Variants in EGFLAM observed in about 807,000 individuals in gnomAD.
EGFLAM encodes the protein EGF like, fibronectin type III and laminin G domains.
In EGFLAM, 79 loss-of-function variants were observed where a neutral mutation model predicts 113.1. The ratio of observed to expected loss-of-function variants is 0.70; its 90% CI spans 0.58 to 0.84. The LOEUF (loss-of-function observed/expected upper bound fraction) is 0.84, where lower values mean the gene tolerates loss of function less well. EGFLAM is among the 40% of genes least tolerant of loss of function. The pLI is 0.00. For synonymous variants in EGFLAM, 504 were observed against 487.6 expected, an observed-to-expected ratio of 1.03 and a Z score of -0.44; for missense variants, 1,265 against 1,291.6, an observed-to-expected ratio of 0.98 and a Z score of 0.32.
At chr5:38,268,087 G>A (rs964091326) in intron 1 of EGFLAM, among the ~76,000 whole-genome samples, 6 of 152,054 alleles carry the variant, frequency 3.9e-5, no homozygotes. Context: ...GCCCCACCCG[G>A]CAAGATGGTT....
chr5:38,303,326 T>C (rs1403672599), intron 1 of EGFLAM, among the ~76,000 whole-genome samples: 2 of 152,164 alleles, frequency 1.3e-5, no homozygotes, highest in Non-Finnish European at 2.9e-5. Flanking sequence ...ATGAAGACAA[T>C]GGTAATTACA....
intron 19 of EGFLAM, among the ~76,000 whole-genome samples, chr5:38,455,632 A>G (rs895152918): frequency 6.6e-6 from 1 of 152,086 alleles, no homozygotes; most frequent in Non-Finnish European, 1.5e-5. Flanking sequence ...ACGTCAGAGG[A>G]AGCGGGAGGT....
At chr5:38,266,874 C>T (rs568025631) in intron 1 of EGFLAM, among the ~76,000 whole-genome samples, 27 of 152,174 alleles carry the variant, frequency 1.8e-4, no homozygotes, top group Non-Finnish European at 3.5e-4. Flanking sequence ...GTTTTGCTCA[C>T]TGATAAGTTG....
Position 38,386,538 on chromosome 5 carries a change from C to T in EGFLAM, c.712+16076C>T, listed in dbSNP as rs1039338865. Reference sequence around the variant, plus strand: ...ATTTTTATTTTTTAAGAAGGAGTCTCGCTCTGTTGCCAGGCTGGAGTGCAG... The same window carrying T: ...ATTTTTATTTTTTAAGAAGGAGTCTTGCTCTGTTGCCAGGCTGGAGTGCAG... On this transcript the variant is annotated intron_variant, in intron 6 of 21. Coordinates refer to ENST00000322350, the MANE Select transcript of EGFLAM (RefSeq NM_152403.4). Among the ~76,000 whole-genome samples the T allele has an allele frequency of 1.1e-4, 16 of 149,614 alleles. No homozygotes were observed. In the East Asian group the frequency reaches 2.6e-3, roughly 24 times the overall value.
intron 6 of EGFLAM, among the ~76,000 whole-genome samples, chr5:38,385,076 A>AC (rs1163192368): frequency 6.6e-6 from 1 of 152,154 alleles, no homozygotes; most frequent in East Asian, 1.9e-4. Context: ...AATCAAAGTT[A>AC]AAAACCTAAC....
intron 1 of EGFLAM, among the ~76,000 whole-genome samples, chr5:38,304,145 A>T (rs1758667259): frequency 6.6e-6 from 1 of 151,780 alleles, no homozygotes; most frequent in Non-Finnish European, 1.5e-5. Flanking sequence ...AAAAAAAGAA[A>T]GAAAGAAAAC....
intron 11 of EGFLAM, among the ~76,000 whole-genome samples, chr5:38,414,819 C>G (rs1191369950): frequency 6.6e-6 from 1 of 152,066 alleles, no homozygotes; most frequent in African/African-American, 2.4e-5. Flanking sequence ...CATGGACCCC[C>G]CCTCAAGGCC....
chr5:38,313,056 C>A (rs1000572167), intron 1 of EGFLAM, among the ~76,000 whole-genome samples: 1 of 151,930 alleles, frequency 6.6e-6, no homozygotes, highest in Admixed American at 6.6e-5. Flanking sequence ...CCACTGTATG[C>A]CAGCCTGGGT....
At chr5:38,403,779 G>T in intron 6 of EGFLAM, 2 of 1,602,218 alleles carry the variant, frequency 1.2e-6, no homozygotes, top group Non-Finnish European at 1.7e-6. Flanking sequence ...GGGACTGCTT[G>T]CTGTACAAAG....
chr5:38,422,634 A>C (rs953492562), intron 12 of EGFLAM, among the ~76,000 whole-genome samples: 21 of 152,228 alleles, frequency 1.4e-4, no homozygotes, highest in African/African-American at 5.1e-4. Context: ...TCCTTTATAA[A>C]GCATATTAAG....
intron 5 of EGFLAM, among the ~76,000 whole-genome samples, chr5:38,368,905 A>G (rs911983378): frequency 7.2e-5 from 11 of 152,194 alleles, no homozygotes; most frequent in Non-Finnish European, 1.5e-4. Context: ...CCTACTGCAT[A>G]GGGCATTTTT....
chr5:38,405,092 C>T (rs142036143), intron 6 of EGFLAM, among the ~76,000 whole-genome samples: 70 of 151,994 alleles, frequency 4.6e-4, no homozygotes, highest in African/African-American at 1.6e-3. Flanking sequence ...TATAGGGCCC[C>T]CTTTTTTTGG....
chr5:38,344,890 A>G (rs558124298), intron 3 of EGFLAM, among the ~76,000 whole-genome samples: 15 of 152,344 alleles, frequency 9.8e-5, no homozygotes, highest in Non-Finnish European at 1.2e-4. Context: ...ATTGGACAGA[A>G]TCTAGCCATA....
intron 5 of EGFLAM, among the ~76,000 whole-genome samples, chr5:38,359,067 C>A (rs1267176100): frequency 6.6e-6 from 1 of 152,158 alleles, no homozygotes; most frequent in Non-Finnish European, 1.5e-5. Context: ...CTATAAATAT[C>A]TGAGAAACCT....
intron 6 of EGFLAM, among the ~76,000 whole-genome samples, chr5:38,384,911 T>G (rs1554010233): frequency 2.0e-5 from 3 of 152,046 alleles, no homozygotes; most frequent in Non-Finnish European, 4.4e-5. Flanking sequence ...CTGTCACAAC[T>G]GGGGGGAAAG....
intron 19 of EGFLAM, chr5:38,451,687 T>C: frequency 1.8e-6 from 1 of 559,830 alleles, no homozygotes; most frequent in Admixed American, 3.6e-5. Context: ...ACCACTCTTT[T>C]TTGTAAATAA....
chr5:38,386,155 T>A (rs769208130), intron 6 of EGFLAM, among the ~76,000 whole-genome samples: 2 of 152,242 alleles, frequency 1.3e-5, no homozygotes, highest in African/African-American at 2.4e-5. Context: ...GGATACTGAA[T>A]AAAGTAAGGG....
At chr5:38,278,812 T>C (rs112400774) in intron 1 of EGFLAM, among the ~76,000 whole-genome samples, 33,473 of 143,932 alleles carry the variant, frequency 0.23, 3,955 homozygotes, top group Middle Eastern at 0.36. Context: ...TTTTTTTTTT[T>C]GATGTAATTT....
At chr5:38,411,511 G>A (rs1234042713) in intron 10 of EGFLAM, among the ~76,000 whole-genome samples, 6 of 133,912 alleles carry the variant, frequency 4.5e-5, no homozygotes, top group African/African-American at 8.4e-5. Flanking sequence ...TTTTGAGACA[G>A]AGTCTCTGTT....
Sources: allele counts gnomAD v4.1 joint callset (sites outside exome capture counted in the v4.1 genomes callset), GRCh38; gene constraint gnomAD v4.1.1; transcripts MANE v1.5; gene names NCBI Gene and HGNC (gene_info 2026-07-23, HGNC 2026-07-21).